Variants in EML4 observed in about 807,000 individuals in gnomAD.
EML4 encodes the protein echinoderm microtubule-associated protein-like 4.
In EML4, 72 loss-of-function variants were observed where a neutral mutation model predicts 129.0. The observed-to-expected ratio is 0.56, with a 90% CI of 0.46 to 0.68. The LOEUF (loss-of-function observed/expected upper bound fraction) is 0.68. Ranked by LOEUF, EML4 falls within the 30% of genes least tolerant of loss-of-function variation. The pLI is 0.00. For missense variants in EML4, 1,363 were observed against 1,190.6 expected (o/e 1.14, Z -2.13); for synonymous variants, 532 against 405.0 (o/e 1.31, Z -3.77).
chr2:42,255,088 T>C (rs1162050822), intron 2 of EML4, among the ~76,000 whole-genome samples: 2 of 151,760 alleles, frequency 1.3e-5, no homozygotes, highest in South Asian at 4.2e-4. Flanking sequence ...TGTTTTTTTT[T>C]TCTTTTCTTT....
In EML4 at chr2:42,180,586, T is replaced by C. The variant is rs148563904; in HGVS notation, c.25+10950T>C. Among the ~76,000 whole-genome samples, 372 of 152,324 alleles carry C rather than the reference T, an allele frequency of 2.4e-3. 7 individuals are homozygous for C. In the East Asian group the frequency reaches 0.025, roughly 10 times the overall value. On this transcript the variant is annotated intron_variant, in intron 1 of 22. Coordinates refer to ENST00000318522, the MANE Select transcript of EML4 (RefSeq NM_019063.5). ...AACCTTTACCTAGCCCAAGAGGTGA[T>C]GAAAGTGCCTGTCTTCTTTACACTA...
chr2:42,187,006 T>G (rs12618105), intron 1 of EML4, among the ~76,000 whole-genome samples: 19,851 of 149,182 alleles, frequency 0.13, 1,289 homozygotes, highest in East Asian at 0.19. Context: ...ATCTGCTTTT[T>G]TCCATTGTAT....
chr2:42,207,074 T>C (rs72978899), intron 1 of EML4, among the ~76,000 whole-genome samples: 7,305 of 152,292 alleles, frequency 0.048, 569 homozygotes, highest in African/African-American at 0.16. Flanking sequence ...TACACTGTAG[T>C]AATAGATTAC....
intron 1 of EML4, among the ~76,000 whole-genome samples, chr2:42,215,927 TTC>T (rs1204994268): frequency 6.6e-6 from 1 of 152,132 alleles, no homozygotes; most frequent in Admixed American, 6.5e-5. Context: ...TCTTTTTTTT[TTC>T]TTTTTTTTTG....
intron 2 of EML4, among the ~76,000 whole-genome samples, chr2:42,254,049 A>T (rs1675963113): frequency 6.6e-6 from 1 of 152,222 alleles, no homozygotes; most frequent in Non-Finnish European, 1.5e-5. Context: ...TATTTGAAGA[A>T]CTCATATGCC....
At chr2:42,269,585 T>G (rs1324321783) in intron 6 of EML4, among the ~76,000 whole-genome samples, 1 of 152,152 alleles carries the variant, frequency 6.6e-6, no homozygotes, top group Non-Finnish European at 1.5e-5. Flanking sequence ...AGAATTGCTA[T>G]TTTATATAGA....
intron 1 of EML4, among the ~76,000 whole-genome samples, chr2:42,170,491 T>A (rs1670204982): frequency 1.3e-5 from 2 of 152,356 alleles, no homozygotes; most frequent in South Asian, 4.1e-4. Flanking sequence ...GAAGAGGTTA[T>A]TAAATAGGCT....
intron 1 of EML4, among the ~76,000 whole-genome samples, chr2:42,189,833 A>T (rs185655338): frequency 6.6e-6 from 1 of 152,174 alleles, no homozygotes; most frequent in Non-Finnish European, 1.5e-5. Context: ...ATACTGAAGA[A>T]AGAGTGTTTT....
intron 11 of EML4, among the ~76,000 whole-genome samples, chr2:42,293,228 G>T (rs1667752536): frequency 6.6e-6 from 1 of 151,650 alleles, no homozygotes; most frequent in Non-Finnish European, 1.5e-5. Context: ...TCCAGCCTCA[G>T]CCTCCCAAGT....
chr2:42,257,174 A>T (rs116651285), intron 3 of EML4, among the ~76,000 whole-genome samples: 1 of 152,024 alleles, frequency 6.6e-6, no homozygotes, highest in Non-Finnish European at 1.5e-5. Context: ...AATTACAGCA[A>T]TATAAGTTTC....
At chr2:42,290,761 A>G (rs1370477265) in intron 11 of EML4, among the ~76,000 whole-genome samples, 3 of 152,104 alleles carry the variant, frequency 2.0e-5, no homozygotes, top group Non-Finnish European at 2.9e-5. Flanking sequence ...TTCAAAATAA[A>G]AATAAAATTC....
chr2:42,243,625 A>G (rs891862404), intron 1 of EML4, among the ~76,000 whole-genome samples: 3 of 152,246 alleles, frequency 2.0e-5, no homozygotes, highest in Non-Finnish European at 2.9e-5. Flanking sequence ...TAGATTAAAG[A>G]TGAAACCCAA....
chr2:42,276,272 A>C (rs957635057), intron 6 of EML4, among the ~76,000 whole-genome samples: 2 of 152,132 alleles, frequency 1.3e-5, no homozygotes, highest in African/African-American at 4.8e-5. Flanking sequence ...ACAATAAATT[A>C]TAGATTTTCT....
intron 17 of EML4, among the ~76,000 whole-genome samples, chr2:42,308,478 C>A (rs979867973): frequency 2.6e-5 from 4 of 152,172 alleles, no homozygotes; most frequent in Non-Finnish European, 5.9e-5. Flanking sequence ...CCATTGCACA[C>A]CAGCCTGGGC....
At chr2:42,184,333 A>G (rs989775965) in intron 1 of EML4, among the ~76,000 whole-genome samples, 1 of 151,156 alleles carries the variant, frequency 6.6e-6, no homozygotes, top group Non-Finnish European at 1.5e-5. Flanking sequence ...TGCTGCACCC[A>G]TTAGCTCGTC....
In EML4 at chr2:42,288,314, G is replaced by T; in HGVS notation, c.1210G>T (p.Glu404Ter). The change falls in exon 11 of 23, where the codon GAA (glutamate) becomes TAA (stop). Residue 404 changes from glutamate (E) to a stop codon, truncating the protein, a stop_gained. Transcript: ENST00000318522. LOFTEE classifies it high-confidence loss of function. ...CTGGCAGAAGAAAGCAAAAGGAGCAGAAATAAAGGTAAATTTTTAAAAAAC... is the reference window on the plus strand; with the variant it reads ...CTGGCAGAAGAAAGCAAAAGGAGCATAAATAAAGGTAAATTTTTAAAAAAC... ...WDWQKKAKGA[E>*]IKTTNEVVLA... 6.5e-7 allele frequency: 1 copy of T among 1,535,434 alleles called. No homozygotes were observed.
intron 17 of EML4, among the ~76,000 whole-genome samples, chr2:42,308,148 A>G (rs1668722146): frequency 6.6e-6 from 1 of 152,252 alleles, no homozygotes; most frequent in African/African-American, 2.4e-5. Flanking sequence ...ATGTCTTATT[A>G]ATGTAATTTT....
chr2:42,314,925 C>T (rs1292462107), intron 17 of EML4, among the ~76,000 whole-genome samples: 3 of 152,174 alleles, frequency 2.0e-5, no homozygotes, highest in Admixed American at 6.6e-5. Flanking sequence ...CGTTGTTTTA[C>T]GTCTCAAGAG....
chr2:42,259,282 A>C (rs1490769899), intron 3 of EML4, among the ~76,000 whole-genome samples: 1 of 151,936 alleles, frequency 6.6e-6, no homozygotes, highest in Non-Finnish European at 1.5e-5. Context: ...GGCAGAGAAA[A>C]GAAATAGGCA....
Sources: gnomAD v4.1 joint callset for allele counts (sites outside exome capture counted in the v4.1 genomes callset) on GRCh38, gnomAD v4.1.1 for gene constraint, MANE v1.5 for transcripts, NCBI Gene and HGNC (gene_info 2026-07-23, HGNC 2026-07-21) for gene names.